Variants in SH3RF3 observed in about 807,000 individuals in gnomAD.
SH3RF3 encodes SH3 domain containing ring finger 3.
SH3RF3 carries 29 observed loss-of-function variants against 66.3 expected under a neutral mutation model. That is an observed-to-expected ratio of 0.44 (90% confidence interval 0.33 to 0.60). The LOEUF is 0.60. Among genes scored for constraint, SH3RF3 ranks in the 20% least tolerant of loss-of-function variants. The pLI is 0.04. For missense variants in SH3RF3, 1,194 were observed against 1,190.9 expected, an observed-to-expected ratio of 1.00 and a Z score of -0.04; for synonymous variants, 583 against 532.0, an observed-to-expected ratio of 1.10 and a Z score of -1.32.
At chr2:109,287,824 C>G (rs1681065751) in intron 1 of SH3RF3, among the ~76,000 whole-genome samples, 1 of 152,216 alleles carries the variant, frequency 6.6e-6, no homozygotes, top group East Asian at 1.9e-4. Flanking sequence ...GGGCGCTGCA[C>G]TCTCCTGTGT....
At chr2:109,227,532 C>T (rs1353309050) in intron 1 of SH3RF3, among the ~76,000 whole-genome samples, 1 of 152,238 alleles carries the variant, frequency 6.6e-6, no homozygotes, top group Non-Finnish European at 1.5e-5. Context: ...GCTCCCGGGT[C>T]TGCCTGGGCC....
At chr2:109,391,921 G>A (rs1199937354) in intron 3 of SH3RF3, among the ~76,000 whole-genome samples, 5 of 151,938 alleles carry the variant, frequency 3.3e-5, no homozygotes, top group Non-Finnish European at 5.9e-5. Context: ...AGGCTCAAGC[G>A]ATCCTCCCAC....
At chr2:109,400,436 A>G (rs533036482) in intron 4 of SH3RF3, among the ~76,000 whole-genome samples, 2 of 152,194 alleles carry the variant, frequency 1.3e-5, no homozygotes, top group South Asian at 4.2e-4. Flanking sequence ...ATGTGCACTT[A>G]TATGCACCCC....
At chr2:109,206,304 CA>C (rs1319479669) in intron 1 of SH3RF3, among the ~76,000 whole-genome samples, 1 of 151,900 alleles carries the variant, frequency 6.6e-6, no homozygotes, top group Non-Finnish European at 1.5e-5. Context: ...TCCTGGCTAA[CA>C]TGGTGAAACC....
intron 1 of SH3RF3, among the ~76,000 whole-genome samples, chr2:109,286,942 C>A (rs375218977): frequency 3.9e-5 from 6 of 152,306 alleles, no homozygotes; most frequent in African/African-American, 1.4e-4. Flanking sequence ...CATTTGTGGA[C>A]CCTGCCCAGG....
intron 1 of SH3RF3, among the ~76,000 whole-genome samples, chr2:109,130,835 T>C (rs143530657): frequency 5.1e-4 from 77 of 152,318 alleles, no homozygotes; most frequent in Middle Eastern, 6.8e-3. Flanking sequence ...ACGAAAGATC[T>C]TCTCTGGATG....
At position 109,183,424 on chromosome 2, in the gene SH3RF3, A is replaced by T. The variant is rs79488465; in HGVS notation, c.573+53311A>T. ...TTTTGGAAACAAAGCTCTACCTTAT[A>T]TCTAGATGCATATAGTAGTTCAACT... On this transcript the variant is annotated intron_variant, in intron 1 of 9. Transcript: ENST00000309415. 8.0e-3 allele frequency among the ~76,000 whole-genome samples: 1,224 copies of T among 152,304 alleles called. 12 individuals carry two copies. The highest frequency in any genetic ancestry group is 0.04 in the East Asian group (209 of 5,178).
At chr2:109,391,908 C>G (rs1227783135) in intron 3 of SH3RF3, among the ~76,000 whole-genome samples, 1 of 151,874 alleles carries the variant, frequency 6.6e-6, no homozygotes, top group Non-Finnish European at 1.5e-5. Flanking sequence ...GGCGTGACCT[C>G]TCAGGCTCAA....
At chr2:109,164,100 A>G (rs1461876990) in intron 1 of SH3RF3, among the ~76,000 whole-genome samples, 2 of 150,928 alleles carry the variant, frequency 1.3e-5, no homozygotes, top group South Asian at 2.1e-4. Flanking sequence ...GAGGAGGCCT[A>G]CTCTTCTCTT....
At chr2:109,157,005 A>G (rs928670864) in intron 1 of SH3RF3, among the ~76,000 whole-genome samples, 4 of 152,226 alleles carry the variant, frequency 2.6e-5, no homozygotes, top group African/African-American at 9.6e-5. Context: ...CATAAATGAC[A>G]TATTACTCCA....
At chr2:109,486,808 G>A (rs774049866) in intron 8 of SH3RF3, among the ~76,000 whole-genome samples, 11 of 152,334 alleles carry the variant, frequency 7.2e-5, no homozygotes, top group African/African-American at 1.9e-4. Flanking sequence ...CCAGCAGGGC[G>A]ACAGCAGCCC....
intron 1 of SH3RF3, among the ~76,000 whole-genome samples, chr2:109,131,411 C>T: frequency 6.6e-6 from 1 of 152,082 alleles, no homozygotes; most frequent in East Asian, 1.9e-4. Flanking sequence ...TCCTTCCTGG[C>T]CTTGCTGTTT....
At chr2:109,342,608 G>T (rs1682579983) in intron 1 of SH3RF3, among the ~76,000 whole-genome samples, 1 of 152,152 alleles carries the variant, frequency 6.6e-6, no homozygotes, top group South Asian at 2.1e-4. Flanking sequence ...AGGCCAGTTG[G>T]GGTTGTGCCC....
chr2:109,278,927 C>T (rs998796152), intron 1 of SH3RF3, among the ~76,000 whole-genome samples: 4 of 152,294 alleles, frequency 2.6e-5, no homozygotes, highest in East Asian at 1.9e-4. Context: ...CCCGAGGCTC[C>T]GTGAGAATGT....
intron 1 of SH3RF3, among the ~76,000 whole-genome samples, chr2:109,164,169 C>G (rs983724600): frequency 6.7e-6 from 1 of 149,614 alleles, no homozygotes; most frequent in Non-Finnish European, 1.5e-5. Context: ...ATGCCTCTCT[C>G]TTTTTTTTTT....
At chr2:109,299,462 A>T (rs1681403511) in intron 1 of SH3RF3, among the ~76,000 whole-genome samples, 1 of 151,850 alleles carries the variant, frequency 6.6e-6, no homozygotes, top group Non-Finnish European at 1.5e-5. Flanking sequence ...TCTGCCAGCC[A>T]CCAGGGCCTT....
chr2:109,379,661 G>A (rs551618971), intron 3 of SH3RF3, among the ~76,000 whole-genome samples: 6 of 152,252 alleles, frequency 3.9e-5, no homozygotes, highest in African/African-American at 7.2e-5. Flanking sequence ...AGCTCCTGCC[G>A]CAGCGACAGC....
intron 9 of SH3RF3, among the ~76,000 whole-genome samples, chr2:109,497,235 A>G (rs1679280987): frequency 6.6e-6 from 1 of 152,234 alleles, no homozygotes; most frequent in African/African-American, 2.4e-5. Context: ...CTTATCCCCA[A>G]GTTCCTAGCA....
chr2:109,368,004 A>C (rs1380414345), intron 2 of SH3RF3, among the ~76,000 whole-genome samples: 1 of 152,268 alleles, frequency 6.6e-6, no homozygotes, highest in African/African-American at 2.4e-5. Context: ...GCAAAGGAAC[A>C]AAAGGGGAAT....
Sources: gnomAD v4.1 joint callset for allele counts (sites outside exome capture counted in the v4.1 genomes callset) on GRCh38, gnomAD v4.1.1 for gene constraint, MANE v1.5 for transcripts, NCBI Gene and HGNC (gene_info 2026-07-23, HGNC 2026-07-21) for gene names.